Variants in SPEG observed in about 807,000 individuals in gnomAD.
The protein encoded by SPEG is striated muscle preferentially expressed protein kinase.
SPEG carries 114 observed loss-of-function variants against 300.4 expected under a neutral mutation model. That is an observed-to-expected ratio of 0.38 (90% CI 0.33 to 0.44). The LOEUF is 0.44. Ranked by LOEUF, SPEG falls within the 20% of genes least tolerant of loss-of-function variation. SPEG has a pLI of 1.00. For missense variants in SPEG, 4,201 were observed against 4,586.2 expected (o/e 0.92, Z 2.43); for synonymous variants, 1,964 against 2,018.9 (o/e 0.97, Z 0.73).
In SPEG at chr2:219,436,461, T is replaced by TG. The variant is rs533586321; in HGVS notation, c.388+1101dup. Among the ~76,000 whole-genome samples the TG allele has an allele frequency of 5.1e-4, 77 of 152,370 alleles. 1 individual carries two copies. The highest frequency in any genetic ancestry group is 1.8e-3 in the African/African-American group (73 of 41,594). ...ACAGCTGGGAGAGATGGCAAGGAGC[T>TG]GGGGGTTCACTCCCTTGGACGTTTC... On this transcript the variant is annotated intron_variant, in intron 1 of 40. Transcript: ENST00000312358.
chr2:219,492,473 G>T, intron 40 of SPEG, 121 bp from the exon 41 acceptor site: 1 of 1,208,126 alleles, frequency 8.3e-7, no homozygotes, highest in Non-Finnish European at 1.2e-6. Flanking sequence ...CTCTTGAGCT[G>T]CCCAAGATCA....
Position 219,485,466 on chromosome 2 carries a change from G to A in SPEG, c.7730G>A (p.Arg2577His), listed in dbSNP as rs1246761131. ...GAGGAGTTGGGTCACCAGTACGTGC[G>A]CAGTGAGTCAGGTAATAAGAGGCCT... ...VQEELGHQYV[R>H]SESDFPPVFH... is the part of the protein sequence containing the mutation. The change falls in exon 31 of 41, where the codon CGC (arginine) becomes CAC (histidine). Residue 2577 changes from arginine (R) to histidine (H), a missense_variant. Physicochemically the swap from Arg to His is conservative, Grantham distance 29. Coordinates refer to ENST00000312358, the MANE Select transcript of SPEG (RefSeq NM_005876.5). 4 of 1,587,250 alleles carry A rather than the reference G, an allele frequency of 2.5e-6. No homozygotes were observed. Among genetic ancestry groups the A allele is most frequent in the South Asian group, 1.1e-5 (1 of 88,444 alleles).
In SPEG at chr2:219,479,986, G is replaced by A. The variant is rs1471848083; in HGVS notation, c.5188G>A (p.Gly1730Ser). The stretch of plus-strand genomic sequence containing the variant: ...GCCTGAGAACCTGCTGGTGTGGGAT[G>A]GTGCTGCGGGCGAGCAGCAGGTGCG... Reference protein sequence around the residue: ...VKPENLLVWDGAAGEQQVRIC... With the variant: ...VKPENLLVWDSAAGEQQVRIC... Residue 1730 changes from glycine (G) to serine (S), a missense_variant, in exon 25 of 41, where the codon GGT becomes AGT. Physicochemically the swap from Gly to Ser is moderately conservative, Grantham distance 56 (BLOSUM62 0). Around this residue, in one of 4 missense-constraint regions of SPEG, gnomAD observed 1,047 missense variants for 1,356.8 expected, o/e 0.77. Transcript: ENST00000312358. The surrounding 1 kb of genome is among the most constrained non-coding windows in gnomAD (Gnocchi z 5.5). The A allele has an allele frequency of 5.0e-6, 8 of 1,614,202 alleles. No individual in the cohort carries two copies. In the South Asian group the frequency reaches 8.8e-5, roughly 18 times the overall value.
chr2:219,488,104 T>C (rs1693610859), intron 31 of SPEG, 90 bp from the exon 32 acceptor site: 7 of 777,956 alleles, frequency 9.0e-6, no homozygotes, highest in South Asian at 8.4e-5. Flanking sequence ...TGCTTCCTGA[T>C]GGCTGTTTGC....
In SPEG at chr2:219,489,510, C is replaced by A; in HGVS notation, c.8492C>A (p.Ala2831Asp). Residue 2831 changes from alanine (A) to aspartate (D), a missense_variant, in exon 36 of 41, where the codon GCC becomes GAC. By Grantham distance (126) the Ala-to-Asp change is moderately radical. Transcript: ENST00000312358. ...PSSPPTPPSQ[A>D]LSSLKAVGPP... ...TCTCCCCCCACACCTCCTAGCCAGG[C>A]CTTGTCCTCGCTCAAGGCTGTGGGT... 3.7e-6 allele frequency: 6 copies of A among 1,612,342 alleles called. No individual in the cohort carries two copies. Among genetic ancestry groups the A allele is most frequent in the Non-Finnish European group, 2.5e-6 (3 of 1,179,266 alleles).
At chr2:219,450,902 C>G in intron 4 of SPEG, 1 of 441,914 alleles carries the variant, frequency 2.3e-6, no homozygotes, top group Non-Finnish European at 4.0e-6. Context: ...GAGGAACGGC[C>G]ACACTAACAT....
At chr2:219,440,723 C>G (rs1045564527) in intron 1 of SPEG, among the ~76,000 whole-genome samples, 1 of 152,152 alleles carries the variant, frequency 6.6e-6, no homozygotes, top group African/African-American at 2.4e-5. Flanking sequence ...GGAATTCTGG[C>G]TCCCTCAATT....
intron 18 of SPEG, among the ~76,000 whole-genome samples, chr2:219,475,991 A>G (rs1022590148): frequency 7.3e-6 from 1 of 136,150 alleles, no homozygotes; most frequent in African/African-American, 2.6e-5. Context: ...GACTCATCCT[A>G]CTTCTCCTCA....
chr2:219,462,428 C>T (rs1156896692), intron 8 of SPEG, 42 bp downstream of exon 8: 1 of 1,483,948 alleles, frequency 6.7e-7, no homozygotes, highest in Non-Finnish European at 9.2e-7. Flanking sequence ...CGACTCTATG[C>T]CAGGCCTGGC....
intron 1 of SPEG, among the ~76,000 whole-genome samples, chr2:219,436,286 G>A (rs1559359139): frequency 1.3e-5 from 2 of 152,238 alleles, no homozygotes; most frequent in Non-Finnish European, 2.9e-5. Flanking sequence ...TACCATGGAG[G>A]CCAGGCCAGG....
Position 219,492,777 on chromosome 2 carries a change from C to A in SPEG, c.9795C>A (p.Gly3265=). 1 of 1,591,414 alleles carries A rather than the reference C, an allele frequency of 6.3e-7. No homozygotes were observed. The highest frequency in any genetic ancestry group is 8.5e-7 in the Non-Finnish European group (1 of 1,174,706). ...AGGTGCTGCTGCGCTCCTACCCTGG[C>A]GGCCCCTAGAGGCACGGACCACAGC... ...RHKVLLRSYP[G]GP is the part of the protein sequence containing the mutation. The change falls in exon 41 of 41, where the codon GGC becomes GGA. Residue 3265 remains glycine, a synonymous_variant. Transcript: ENST00000312358.
At position 219,469,392 on chromosome 2, in the gene SPEG, G is replaced by A. The variant is rs1455399390; in HGVS notation, c.3715+13G>A. The A allele has an allele frequency of 6.2e-7, 1 of 1,605,752 alleles. No homozygotes were observed. Among genetic ancestry groups the A allele is most frequent in the East Asian group, 2.2e-5 (1 of 44,674 alleles). ...CGCATGACACAGTGTACGTGTCTGG[G>A]AAGTTCCCCGGGAGTGTCCCCTGCA... On this transcript the variant is annotated intron_variant, in intron 13 of 40. Transcript: ENST00000312358.
At position 219,488,119 on chromosome 2, in the gene SPEG, C is replaced by T. The variant is rs1693612235; in HGVS notation, c.7742-75C>T. The T allele has an allele frequency of 7.4e-6, 7 of 950,968 alleles. No individual in the cohort carries two copies. The East Asian group carries it at 1.8e-4, about 24-fold the overall frequency. The allele number at this position is 950,968 out of a possible 1,614,324, so 58.9% of individuals were successfully genotyped here. On this transcript the variant is annotated intron_variant, in intron 31 of 40. Coordinates refer to ENST00000312358, the MANE Select transcript of SPEG (RefSeq NM_005876.5). ...TGCTTCCTGATGGCTGTTTGCAGGC[C>T]TTCTCCACCCCTCCCTCAGCAGTAA...
chr2:219,465,855 G>A (rs987669351), intron 9 of SPEG: 2 of 616,320 alleles, frequency 3.2e-6, no homozygotes, highest in Non-Finnish European at 5.9e-6. Context: ...ATGCATGTGT[G>A]TGCATGTGTG....
chr2:219,451,161 C>T lies in SPEG; in HGVS notation c.2139C>T (p.Ser713=), dbSNP rs762151370. Reference sequence around the variant, plus strand: ...AGTCTTCGGATGACTCCTACGTGTCCGCTGGAGAAGAGCCCCTAGAGGCCC... The same window carrying T: ...AGTCTTCGGATGACTCCTACGTGTCTGCTGGAGAAGAGCCCCTAGAGGCCC... The part of the protein sequence containing the change: ...ELESSDDSYV[S]AGEEPLEAPV... Residue 713 remains serine (S), a synonymous_variant, in exon 5 of 41, where the codon TCC becomes TCT. Transcript: ENST00000312358. This position sits in a 1 kb window ranked among gnomAD's most constrained non-coding sequence, Gnocchi z 6.4. 2.0e-4 allele frequency: 320 copies of T among 1,613,482 alleles called. No individual in the cohort carries two copies. Among genetic ancestry groups the T allele is most frequent in the Middle Eastern group, 1.7e-3 (10 of 6,056 alleles).
intron 13 of SPEG, among the ~76,000 whole-genome samples, chr2:219,471,316 T>G (rs1425728959): frequency 6.6e-6 from 1 of 152,126 alleles, no homozygotes; most frequent in East Asian, 1.9e-4. Context: ...GGCCTGATAG[T>G]TAGCCAGCAT....
chr2:219,472,214 C>T lies in SPEG; in HGVS notation c.3836-13C>T. ...CCCTTGGACCCAGCAGACATTCGAA[C>T]TGCGGCTTTCAGATGTGGTCCCAGG... On this transcript the variant is annotated splice_polypyrimidine_tract_variant and intron_variant, in intron 14 of 40. Transcript: ENST00000312358. 3 of 1,612,586 alleles carry T rather than the reference C, an allele frequency of 1.9e-6. No individual in the cohort carries two copies. Among genetic ancestry groups the T allele is most frequent in the Middle Eastern group, 1.7e-4 (1 of 6,056 alleles).
chr2:219,477,160 G>A lies in SPEG; in HGVS notation c.4561-117G>A. The A allele has an allele frequency of 9.4e-7, 1 of 1,063,350 alleles. No homozygotes were observed. Among genetic ancestry groups the A allele is most frequent in the Non-Finnish European group, 1.3e-6 (1 of 745,364 alleles). 65.9% of individuals were successfully genotyped at this position (1,063,350 alleles called of 1,614,324 possible). A position where few individuals can be genotyped will look rare whatever the true frequency, so the allele number is the denominator to read the frequency against. ...GCAGGGCTTTCTGTGGGAGATAAGG[G>A]AGGAGCTGACTCTGGGTCCTGGTGA... On this transcript the variant is annotated intron_variant, in intron 19 of 40. Transcript: ENST00000312358. This position sits in a 1 kb window ranked among gnomAD's most constrained non-coding sequence, Gnocchi z 6.4.
intron 29 of SPEG, 80 bp from the exon 30 acceptor site, chr2:219,483,018 C>T: frequency 6.7e-7 from 1 of 1,490,106 alleles, no homozygotes; most frequent in Admixed American, 1.9e-5. Context: ...CAGGCCTCTT[C>T]CCCAGGGCTG....
Sources: gnomAD v4.1 joint callset for allele counts (sites outside exome capture counted in the v4.1 genomes callset) on GRCh38, gnomAD v4.1.1 for gene constraint, gnomAD v4.1.1 regional missense constraint, Gnocchi (gnomAD v3.1) non-coding constraint, MANE v1.5 for transcripts, NCBI Gene and HGNC (gene_info 2026-07-23, HGNC 2026-07-21) for gene names.